The following CFAP70 variants were observed in gnomAD, a reference collection of about 807,000 sequenced individuals.
CFAP70 encodes the protein cilia- and flagella-associated protein 70.
Under a neutral mutation model 137.6 loss-of-function variants are expected in CFAP70, and 81 were observed. That is an observed-to-expected ratio of 0.59 (90% CI 0.49 to 0.71). The LOEUF is 0.71. CFAP70 is among the 30% of genes least tolerant of loss of function. The pLI is 0.00. For synonymous variants in CFAP70, 382 were observed against 423.6 expected, an observed-to-expected ratio of 0.90 and a Z score of 1.20; for missense variants, 976 against 1,226.7, an observed-to-expected ratio of 0.80 and a Z score of 3.05.
Position 73,339,246 on chromosome 10 carries a change from T to C in CFAP70, c.582+2153A>G, listed in dbSNP as rs564867579. On this transcript the variant is annotated intron_variant, in intron 6 of 26. Coordinates refer to ENST00000310715, the Ensembl canonical transcript of CFAP70. ...ATGACTACACTGATTTTTTATTTGGTGAGCCAGTCCTTCTGAAGTCTGACT... is the reference window on the plus strand; with the variant it reads ...ATGACTACACTGATTTTTTATTTGGCGAGCCAGTCCTTCTGAAGTCTGACT... 1.8e-3 allele frequency among the ~76,000 whole-genome samples: 272 copies of C among 152,310 alleles called. 2 individuals are homozygous for C. Among genetic ancestry groups the C allele is most frequent in the African/African-American group, 6.2e-3 (258 of 41,578 alleles).
At chr10:73,278,837 C>T (rs970079294) in intron 19 of CFAP70, among the ~76,000 whole-genome samples, 43 of 151,802 alleles carry the variant, frequency 2.8e-4, no homozygotes, top group Non-Finnish European at 4.4e-4. Flanking sequence ...AAAAGTTAGC[C>T]GGGCACGGTG....
At position 73,275,719 on chromosome 10, in the gene CFAP70, C is replaced by T; in HGVS notation, c.2521-121G>A. 1 of 898,252 alleles carries T rather than the reference C, an allele frequency of 1.1e-6. No homozygotes were observed. Among genetic ancestry groups the T allele is most frequent in the Middle Eastern group, 3.1e-4 (1 of 3,224 alleles). 55.6% of individuals were successfully genotyped at this position (898,252 alleles called of 1,614,324 possible). On this transcript the variant is annotated intron_variant, in intron 21 of 26. Transcript: ENST00000310715. The surrounding 1 kb of genome is among the most constrained non-coding windows in gnomAD (Gnocchi z 4.0). The stretch of plus-strand genomic sequence containing the variant: ...TGTATTACAGAATGAAATAATTATC[C>T]TCAACTTCAAAAGGTAAAGGGTGAA...
At chr10:73,326,815 T>A (rs1313055048) in intron 8 of CFAP70, among the ~76,000 whole-genome samples, 1 of 151,902 alleles carries the variant, frequency 6.6e-6, no homozygotes, top group African/African-American at 2.4e-5. Context: ...AATAGACCAA[T>A]AACAGGCTCT....
At chr10:73,280,210 T>A (rs1469308565) in intron 19 of CFAP70, among the ~76,000 whole-genome samples, 1 of 152,210 alleles carries the variant, frequency 6.6e-6, no homozygotes. Context: ...GCCTCATGCC[T>A]ATAATCCCAG....
chr10:73,313,699 C>T (rs370155502), intron 9 of CFAP70, among the ~76,000 whole-genome samples: 14 of 151,888 alleles, frequency 9.2e-5, no homozygotes, highest in Non-Finnish European at 1.3e-4. Flanking sequence ...AAAAATTAGC[C>T]GGGTGTGGTT....
intron 24 of CFAP70, among the ~76,000 whole-genome samples, chr10:73,270,218 A>G (rs2046135393): frequency 6.6e-6 from 1 of 152,080 alleles, no homozygotes; most frequent in Non-Finnish European, 1.5e-5. Flanking sequence ...TCAGTTATTA[A>G]CAGCCCAATC....
In CFAP70 at chr10:73,315,232, A is replaced by C. The variant is rs938235980; in HGVS notation, c.913-2589T>G. ...ACCCCATCTCAAAAAAAAAAAAAAA[A>C]AAAACAGCTTTATTGAGATATTCAC... On this transcript the variant is annotated intron_variant, in intron 9 of 26. Coordinates refer to ENST00000310715, the Ensembl canonical transcript of CFAP70. 8.6e-5 allele frequency among the ~76,000 whole-genome samples: 13 copies of C among 151,996 alleles called. No homozygotes were observed. The South Asian group carries it at 1.5e-3, about 17-fold the overall frequency.
At chr10:73,316,470 A>G (rs1016523121) in intron 9 of CFAP70, among the ~76,000 whole-genome samples, 2 of 116,644 alleles carry the variant, frequency 1.7e-5, no homozygotes, top group African/African-American at 6.9e-5. Context: ...TGAGATATAT[A>G]TATATATATA....
At chr10:73,271,079 G>A (rs575577868) in intron 24 of CFAP70, among the ~76,000 whole-genome samples, 10 of 152,278 alleles carry the variant, frequency 6.6e-5, no homozygotes, top group African/African-American at 1.2e-4. Flanking sequence ...AGGATCAACC[G>A]AGCCCCGGAG....
At chr10:73,343,964 A>T (rs1273004291) in intron 5 of CFAP70, among the ~76,000 whole-genome samples, 1 of 146,558 alleles carries the variant, frequency 6.8e-6, no homozygotes, top group East Asian at 2.0e-4. Flanking sequence ...CATATGAAGA[A>T]TTTTTTTTTT....
intron 9 of CFAP70, among the ~76,000 whole-genome samples, chr10:73,319,059 A>AG (rs1462174880): frequency 3.3e-5 from 5 of 152,246 alleles, no homozygotes; most frequent in Non-Finnish European, 5.9e-5. Flanking sequence ...CTAGGCACCT[A>AG]GCTAGCCCCA....
At chr10:73,277,313 TGAAGGCCGG>T (rs1395761433) in exon 21 of CFAP70, 1 of 1,614,146 alleles carries the variant, frequency 6.2e-7, no homozygotes, top group Admixed American at 1.7e-5. Context: ...AACACCATAA[TGAAGGCCGG>T]GATGCAGAAG....
intron 12 of CFAP70, among the ~76,000 whole-genome samples, chr10:73,304,014 C>T (rs1270944191): frequency 3.3e-5 from 5 of 151,814 alleles, no homozygotes; most frequent in Non-Finnish European, 7.4e-5. Flanking sequence ...GAGTTTTTGA[C>T]TATTTCTAGA....
intron 7 of CFAP70, among the ~76,000 whole-genome samples, chr10:73,334,946 C>T (rs1224407221): frequency 1.3e-5 from 2 of 149,744 alleles, no homozygotes; most frequent in African/African-American, 2.5e-5. Flanking sequence ...TGCAGTGACG[C>T]AATCACAGCT....
At chr10:73,272,767 AC>A (rs2046411837) in intron 24 of CFAP70, 160 bp downstream of exon 25, 1 of 716,812 alleles carries the variant, frequency 1.4e-6, no homozygotes, top group African/African-American at 1.7e-5. Context: ...TAGTTAAGTG[AC>A]CTTCAGTTCA....
intron 12 of CFAP70, among the ~76,000 whole-genome samples, chr10:73,300,495 AATATCT>A (rs889789652): frequency 3.9e-5 from 6 of 152,252 alleles, no homozygotes; most frequent in African/African-American, 1.4e-4. Flanking sequence ...TGTATAGCAA[AATATCT>A]CCTTCCAACC....
chr10:73,356,718 T>G (rs1453346782), intron 1 of CFAP70, among the ~76,000 whole-genome samples: 1 of 152,224 alleles, frequency 6.6e-6, no homozygotes, highest in Non-Finnish European at 1.5e-5. Flanking sequence ...TTAGTGGCAC[T>G]GACAACTTCT....
At chr10:73,356,252 G>A (rs2054671495) in intron 1 of CFAP70, among the ~76,000 whole-genome samples, 1 of 150,218 alleles carries the variant, frequency 6.7e-6, no homozygotes, top group African/African-American at 2.5e-5. Context: ...AGGCTGGAGT[G>A]CAGTGGTGTG....
At chr10:73,313,168 T>G (rs1034181126) in intron 9 of CFAP70, among the ~76,000 whole-genome samples, 7 of 151,346 alleles carry the variant, frequency 4.6e-5, no homozygotes, top group African/African-American at 1.5e-4. Context: ...GTCAGGAGAT[T>G]GAGATTATCC....
Sources: gnomAD v4.1 joint callset for allele counts (sites outside exome capture counted in the v4.1 genomes callset) on GRCh38, gnomAD v4.1.1 for gene constraint, Gnocchi (gnomAD v3.1) non-coding constraint, MANE v1.5 for transcripts, NCBI Gene and HGNC (gene_info 2026-07-23, HGNC 2026-07-21) for gene names.